The following SPAG17 variants were observed in gnomAD, a reference collection of about 807,000 sequenced individuals.
SPAG17 encodes the protein sperm-associated antigen 17.
A neutral mutation model predicts 273.6 loss-of-function variants in SPAG17; 169 were observed. The ratio of observed to expected loss-of-function variants is 0.62; its 90% CI spans 0.55 to 0.70. The LOEUF (loss-of-function observed/expected upper bound fraction) is 0.70, where lower values mean the gene tolerates loss of function less well. SPAG17 is among the 30% of genes least tolerant of loss of function. SPAG17 has a pLI of 0.00. For synonymous variants in SPAG17, 825 were observed against 873.2 expected (o/e 0.94, Z 0.97); for missense variants, 2,557 against 2,627.8 (o/e 0.97, Z 0.59).
chr1:117,984,196 G>T (rs771808891), intron 41 of SPAG17, among the ~76,000 whole-genome samples: 14 of 152,212 alleles, frequency 9.2e-5, no homozygotes, highest in Non-Finnish European at 1.6e-4. Context: ...TTTGGCCAGT[G>T]ATGGGAAGGT....
chr1:118,090,858 AG>A (rs578063895), intron 10 of SPAG17, among the ~76,000 whole-genome samples: 166 of 152,216 alleles, frequency 1.1e-3, no homozygotes, highest in African/African-American at 3.2e-3. Context: ...ACTCCAGCCT[AG>A]GGGACAGAGA....
At chr1:118,066,184 T>C (rs1265365381) in intron 18 of SPAG17, among the ~76,000 whole-genome samples, 1 of 151,890 alleles carries the variant, frequency 6.6e-6, no homozygotes, top group African/African-American at 2.4e-5. Flanking sequence ...TGAAAATACA[T>C]TAACCAGTAT....
chr1:118,024,567 T>C (rs1452361908), intron 27 of SPAG17, among the ~76,000 whole-genome samples: 1 of 152,178 alleles, frequency 6.6e-6, no homozygotes, highest in Non-Finnish European at 1.5e-5. Flanking sequence ...ATCTTTCTCA[T>C]TGAGAATCCC....
intron 3 of SPAG17, among the ~76,000 whole-genome samples, chr1:118,132,906 G>A (rs1658134031): frequency 6.6e-6 from 1 of 152,110 alleles, no homozygotes; most frequent in Admixed American, 6.5e-5. Flanking sequence ...TGAGTAGCTG[G>A]GACTACAGGT....
At chr1:118,101,491 T>C (rs1656060221) in intron 5 of SPAG17, among the ~76,000 whole-genome samples, 1 of 151,820 alleles carries the variant, frequency 6.6e-6, no homozygotes, top group Non-Finnish European at 1.5e-5. Context: ...GTCATGGGAG[T>C]AAGTGATTTA....
rs1435316956 is a variant in SPAG17 at position 117,981,184 on chromosome 1, C to T, written c.6004+86G>A. ...CTCGATTTTTTTCTGTAACTCTCAA[C>T]CTCGCCTCCTAGCGCCATCTCCCAT... On this transcript the variant is annotated intron_variant, in intron 43 of 48. Coordinates refer to ENST00000336338, the MANE Select transcript of SPAG17 (RefSeq NM_206996.4). 3 of 1,404,322 alleles carry T rather than the reference C, an allele frequency of 2.1e-6. No homozygotes were observed. The African/African-American group carries it at 4.5e-5, about 21-fold the overall frequency. 87.0% of individuals were successfully genotyped at this position (1,404,322 alleles called of 1,614,324 possible). A position where few individuals can be genotyped will look rare whatever the true frequency, so the allele number is the denominator to read the frequency against.
chr1:118,118,444 G>T (rs891826874), intron 3 of SPAG17, among the ~76,000 whole-genome samples: 1 of 152,172 alleles, frequency 6.6e-6, no homozygotes, highest in African/African-American at 2.4e-5. Flanking sequence ...TAAGCTTCCA[G>T]AACTAGTCAG....
intron 32 of SPAG17, among the ~76,000 whole-genome samples, chr1:118,004,726 C>T (rs943299226): frequency 6.6e-6 from 1 of 152,194 alleles, no homozygotes; most frequent in African/African-American, 2.4e-5. Context: ...GTCATGGTTT[C>T]CCTTGGCTAG....
chr1:118,159,164 G>C (rs1382929093), intron 1 of SPAG17, among the ~76,000 whole-genome samples: 2 of 152,192 alleles, frequency 1.3e-5, no homozygotes, highest in African/African-American at 4.8e-5. Flanking sequence ...TAGAGAAAGA[G>C]CGCATTCCTT....
At chr1:118,099,487 G>T in intron 6 of SPAG17, 119 bp downstream of exon 6, 1 of 1,065,896 alleles carries the variant, frequency 9.4e-7, no homozygotes, top group Non-Finnish European at 1.4e-6. Flanking sequence ...TCAAAGTCTT[G>T]AAAAGATTTA....
intron 7 of SPAG17, among the ~76,000 whole-genome samples, chr1:118,095,745 G>GAAA (rs1446518361): frequency 6.6e-6 from 1 of 152,126 alleles, no homozygotes; most frequent in African/African-American, 2.4e-5. Context: ...AGAGTTTCAA[G>GAAA]AAAATAGGGT....
intron 18 of SPAG17, among the ~76,000 whole-genome samples, chr1:118,066,156 AT>A (rs759780105): frequency 8.5e-5 from 13 of 152,156 alleles, no homozygotes; most frequent in African/African-American, 2.4e-4. Flanking sequence ...ACTAAAAAAA[AT>A]GCTATACAAA....
intron 13 of SPAG17, 96 bp from the exon 14 acceptor site, chr1:118,081,738 A>T: frequency 1.0e-6 from 1 of 992,946 alleles, no homozygotes; most frequent in Non-Finnish European, 1.5e-6. Context: ...TCTACCAGAA[A>T]GACAAGAGAG....
chr1:118,054,083 T>A lies in SPAG17; in HGVS notation c.2733A>T (p.Gly911=). 1.3e-6 allele frequency: 2 copies of A among 1,599,912 alleles called. No homozygotes were observed. The highest frequency in any genetic ancestry group is 2.2e-5 in the East Asian group (1 of 44,782). The part of the protein sequence containing the change: ...FSIKESKSNK[G]ISKTEISDQE... ...GATCTGATATCTCTGTTTTGCTGAT[T>A]CCTTTGTTACCTATAATCAGATAAA... is the stretch of plus-strand genomic sequence containing the variant. Residue 911 remains glycine, a synonymous_variant, in exon 20 of 49, where the codon GGA becomes GGT. Transcript: ENST00000336338.
At chr1:118,098,745 G>T (rs770831127) in intron 6 of SPAG17, among the ~76,000 whole-genome samples, 1 of 152,080 alleles carries the variant, frequency 6.6e-6, no homozygotes, top group African/African-American at 2.4e-5. Flanking sequence ...ATGAATCAAT[G>T]TACTTAATGT....
intron 1 of SPAG17, among the ~76,000 whole-genome samples, chr1:118,161,489 A>C (rs1659907968): frequency 2.0e-5 from 3 of 152,082 alleles, no homozygotes; most frequent in Non-Finnish European, 2.9e-5. Context: ...AATGCTTGTA[A>C]CTTTCTTTAG....
Position 118,025,381 on chromosome 1 carries a change from T to A in SPAG17, c.3766A>T (p.Ile1256Phe). Reference protein sequence around the residue: ...YVIDEEPTWDIMVRQSYPQRV... With the variant: ...YVIDEEPTWDFMVRQSYPQRV... The stretch of plus-strand genomic sequence containing the variant: ...TGGGGGTAGCTCTGACGGACCATGA[T>A]GTCCCAGGTGGGTTCCTCATCTATA... Residue 1256 changes from isoleucine (I) to phenylalanine (F), a missense_variant, in exon 27 of 49, where the codon ATC (isoleucine) becomes TTC (phenylalanine). Ile to Phe is a conservative substitution (Grantham distance 21). Coordinates refer to ENST00000336338, the MANE Select transcript of SPAG17 (RefSeq NM_206996.4). The A allele has an allele frequency of 6.2e-7, 1 of 1,602,074 alleles. No homozygotes were observed. Among genetic ancestry groups the A allele is most frequent in the Non-Finnish European group, 8.5e-7 (1 of 1,175,734 alleles).
At position 118,025,313 on chromosome 1, in the gene SPAG17, G is replaced by T. The variant is rs184032596; in HGVS notation, c.3834C>A (p.Pro1278=). Reference sequence around the variant, plus strand: ...TAACCCTTGAAGCCTCCTGCTCTGCGGGTGGCATCACCGTTTTATAGAACT... The same window carrying T: ...TAACCCTTGAAGCCTCCTGCTCTGCTGGTGGCATCACCGTTTTATAGAACT... ...HYEFYKTVMP[P]AEQEASRVIT... The change falls in exon 27 of 49, where the codon CCC becomes CCA. Residue 1278 remains proline (P), a synonymous_variant. Coordinates refer to ENST00000336338, the MANE Select transcript of SPAG17 (RefSeq NM_206996.4). The T allele has an allele frequency of 5.6e-6, 9 of 1,613,548 alleles. No homozygotes were observed. Among genetic ancestry groups the T allele is most frequent in the Non-Finnish European group, 7.6e-6 (9 of 1,179,702 alleles).
intron 20 of SPAG17, among the ~76,000 whole-genome samples, chr1:118,049,118 C>T (rs144482663): frequency 6.2e-4 from 95 of 152,186 alleles, no homozygotes; most frequent in African/African-American, 1.3e-3. Context: ...TAGGACCTGA[C>T]GGCTTTACTA....
Sources: allele counts gnomAD v4.1 joint callset (sites outside exome capture counted in the v4.1 genomes callset), GRCh38; gene constraint gnomAD v4.1.1; transcripts MANE v1.5; gene names NCBI Gene and HGNC (gene_info 2026-07-23, HGNC 2026-07-21).